Variants in NSD2 observed in about 807,000 individuals in gnomAD.
NSD2 encodes histone-lysine N-methyltransferase NSD2.
NSD2 carries 12 observed loss-of-function variants against 139.0 expected under a neutral mutation model. The ratio of observed to expected loss-of-function variants is 0.09; its 90% confidence interval spans 0.06 to 0.14. The LOEUF (loss-of-function observed/expected upper bound fraction) is 0.14, where lower values mean the gene tolerates loss of function less well. NSD2 is among the 10% of genes least tolerant of loss of function. The pLI, the probability that NSD2 is intolerant of heterozygous loss-of-function variation, is 1.00. For synonymous variants in NSD2, 669 were observed against 648.7 expected, an observed-to-expected ratio of 1.03 and a Z score of -0.48; for missense variants, 1,155 against 1,745.0, an observed-to-expected ratio of 0.66 and a Z score of 6.02.
chr4:1,892,746 C>G (rs1463250912), intron 1 of NSD2: 1 of 151,586 alleles, frequency 6.6e-6, no homozygotes, highest in Non-Finnish European at 1.5e-5. Context: ...TTTTTTGTAT[C>G]TTTAGTAGGG....
At chr4:1,964,569 CT>C (rs1372494761) in intron 18 of NSD2, among the ~76,000 whole-genome samples, 2 of 152,180 alleles carry the variant, frequency 1.3e-5, no homozygotes, top group African/African-American at 4.8e-5. Flanking sequence ...TAGTGGGTAT[CT>C]GTGCTCAGGA....
rs73202833 is a variant in NSD2, at chr4:1,956,840, C to T, written c.2881+652C>T. ...GTTGCAGCCGGGTCAGTGCTGGCTC[C>T]TGTGTGACTGCAGGCGGGGACCCGC... On this transcript the variant is annotated intron_variant, in intron 15 of 21. Transcript: ENST00000508803. The surrounding 1 kb of genome is among the most constrained non-coding windows in gnomAD (Gnocchi z 5.3). Among the ~76,000 whole-genome samples the T allele has an allele frequency of 3.0e-3, 463 of 152,350 alleles. 4 individuals are homozygous for T. Among genetic ancestry groups the T allele is most frequent in the East Asian group, 0.024 (125 of 5,182 alleles).
At chr4:1,975,705 C>T in intron 20 of NSD2, 1 of 301,564 alleles carries the variant, frequency 3.3e-6, no homozygotes, top group Non-Finnish European at 6.2e-6. Context: ...CTTTCCCAGG[C>T]CTGTCTCCCG....
At chr4:1,872,591 T>TGTGTGTGAGAGAGA (rs1281608141) in intron 1 of NSD2, among the ~76,000 whole-genome samples, 14 of 44,886 alleles carry the variant, frequency 3.1e-4, no homozygotes, top group East Asian at 1.3e-3. Context: ...TGTGTGTGTG[T>TGTGTGTGAGAGAGA]GAGAGAGAGA....
At chr4:1,963,099 G>A (rs1426440969) in intron 18 of NSD2, among the ~76,000 whole-genome samples, 2 of 152,192 alleles carry the variant, frequency 1.3e-5, no homozygotes, top group East Asian at 1.9e-4. Flanking sequence ...AAGCCCCAGT[G>A]ACTCTTCAGC....
In NSD2 at chr4:1,976,444, C is replaced by A. The variant is rs773746799; in HGVS notation, c.3622-31C>A. ...TTTGCTTCAGCCTGTGTAATTCTTT[C>A]CGGTGATCTGTGCTTAATTCTTGAC... is the stretch of plus-strand genomic sequence containing the variant. On this transcript the variant is annotated intron_variant, in intron 20 of 21. Transcript: ENST00000508803. The surrounding 1 kb of genome is among the most constrained non-coding windows in gnomAD (Gnocchi z 5.3). The A allele has an allele frequency of 1.2e-5, 20 of 1,603,336 alleles. No homozygotes were observed. In the East Asian group the frequency reaches 4.3e-4, roughly 34 times the overall value.
intron 7 of NSD2, 44 bp from the exon 8 acceptor site, chr4:1,938,396 CTTTTCTTTTTT>C (rs1722670985): frequency 4.0e-6 from 4 of 988,394 alleles, no homozygotes; most frequent in Admixed American, 6.6e-5. Context: ...TCCTTTTTTT[CTTTTCTTTTTT>C]TTTTCTTTCT....
rs1241442182 is a variant in NSD2, at chr4:1,911,608, GA to G, written c.761-5252del. 2.0e-3 allele frequency among the ~76,000 whole-genome samples: 208 copies of G among 104,704 alleles called. 2 individuals are homozygous for G. The highest frequency in any genetic ancestry group is 8.3e-3 in the East Asian group (30 of 3,626). 68.7% of individuals were successfully genotyped at this position (104,704 alleles called of 152,430 possible). Reference sequence around the variant, plus strand: ...ATCTCAAAAAAAAAAAAAAAAAAAAGAAAAAAAAAAAGAAAGAAAGAAATTG... The same window carrying G: ...ATCTCAAAAAAAAAAAAAAAAAAAAGAAAAAAAAAAGAAAGAAAGAAATTG... On this transcript the variant is annotated intron_variant, in intron 3 of 21. Transcript: ENST00000508803.
chr4:1,956,575 AG>A lies in NSD2; in HGVS notation c.2881+391del, dbSNP rs1724825198. Among the ~76,000 whole-genome samples, 1 of 152,152 alleles carries A rather than the reference AG, an allele frequency of 6.6e-6. No individual in the cohort carries two copies. Among genetic ancestry groups the A allele is most frequent in the African/African-American group, 2.4e-5 (1 of 41,442 alleles). Reference sequence around the variant, plus strand: ...TTTACCTTTCAGTGCATGAGGAATCAGGGGTGGTCAAGCAGACAAGGTGCTT... The same window carrying A: ...TTTACCTTTCAGTGCATGAGGAATCAGGGTGGTCAAGCAGACAAGGTGCTT... On this transcript the variant is annotated intron_variant, in intron 15 of 21. Transcript: ENST00000508803. The surrounding 1 kb of genome is among the most constrained non-coding windows in gnomAD (Gnocchi z 5.3).
intron 9 of NSD2, chr4:1,944,988 A>G (rs1723470426): frequency 9.4e-7 from 1 of 1,064,468 alleles, no homozygotes; most frequent in Non-Finnish European, 1.1e-6. Flanking sequence ...TCATGACACA[A>G]CCTTTCATGT....
intron 1 of NSD2, among the ~76,000 whole-genome samples, chr4:1,879,814 C>T (rs962544518): frequency 3.3e-5 from 5 of 149,720 alleles, no homozygotes; most frequent in Non-Finnish European, 5.9e-5. Flanking sequence ...AGACCCTGGG[C>T]CCATGGCACT....
At position 1,972,097 on chromosome 4, in the gene NSD2, C is replaced by T. The variant is rs1048813146; in HGVS notation, c.3373-2766C>T. On this transcript the variant is annotated intron_variant, in intron 18 of 21. Coordinates refer to ENST00000508803, the MANE Select transcript of NSD2 (RefSeq NM_001042424.3). This position sits in a 1 kb window ranked among gnomAD's most constrained non-coding sequence, Gnocchi z 4.0. ...CAGTGTCTCTCGGAGAATGTGACGG[C>T]TGTGTTTGGTGATGGCCTTATGTGA... 6.6e-6 allele frequency among the ~76,000 whole-genome samples: 1 copy of T among 152,180 alleles called. No individual in the cohort carries two copies. The highest frequency in any genetic ancestry group is 2.4e-5 in the African/African-American group (1 of 41,450).
Position 1,980,783 on chromosome 4 carries a change from A to G in NSD2, c.*1874A>G, listed in dbSNP as rs1009793448. On this transcript the variant is annotated 3_prime_UTR_variant, in exon 22 of 22. Transcript: ENST00000508803. ...CGCGCGGCCGTGGCCTCTGAGGGGC[A>G]CTCGCCGGTTAAGACAGGGTGGGAG... 1.3e-5 allele frequency: 3 copies of G among 233,124 alleles called. No homozygotes were observed. The highest frequency in any genetic ancestry group is 6.6e-5 in the African/African-American group (3 of 45,334). The allele number at this position is 233,124 out of a possible 1,614,324, so 14.4% of individuals were successfully genotyped here. A position where few individuals can be genotyped will look rare whatever the true frequency, so the allele number is the denominator to read the frequency against.
chr4:1,942,519 A>G lies in NSD2; in HGVS notation c.1881+2741A>G, dbSNP rs1723202328. Reference sequence around the variant, plus strand: ...TGATAATCTGTTTTTACTGGTATTAATAAACACATACAATGAAGAAAACAG... The same window carrying G: ...TGATAATCTGTTTTTACTGGTATTAGTAAACACATACAATGAAGAAAACAG... On this transcript the variant is annotated intron_variant, in intron 9 of 21. Coordinates refer to ENST00000508803, the MANE Select transcript of NSD2 (RefSeq NM_001042424.3). This position sits in a 1 kb window ranked among gnomAD's most constrained non-coding sequence, Gnocchi z 4.0. 7 of 1,455,714 alleles carry G rather than the reference A, an allele frequency of 4.8e-6. No homozygotes were observed. Among genetic ancestry groups the G allele is most frequent in the Non-Finnish European group, 4.5e-6 (5 of 1,101,298 alleles). The allele number at this position is 1,455,714 out of a possible 1,614,324, so 90.2% of individuals were successfully genotyped here.
At chr4:1,939,922 A>T in intron 9 of NSD2, 144 bp downstream of exon 9, 5 of 1,514,358 alleles carry the variant, frequency 3.3e-6, no homozygotes, top group Non-Finnish European at 2.6e-6. Context: ...CCTCTTGGCT[A>T]ACTCAGATTC....
At position 1,891,806 on chromosome 4, in the gene NSD2, G is replaced by A. The variant is rs567638439; in HGVS notation, c.-29-8820G>A. ...CGGGAGGCGGAGCTTGCAGTGAGCC[G>A]AGATCGCGCCATTGCACTCCAGCCT... On this transcript the variant is annotated intron_variant, in intron 1 of 21. Coordinates refer to ENST00000508803, the MANE Select transcript of NSD2 (RefSeq NM_001042424.3). 2.8e-4 allele frequency among the ~76,000 whole-genome samples: 41 copies of A among 148,810 alleles called. No homozygotes were observed. The South Asian group carries it at 3.2e-3, about 12-fold the overall frequency.
intron 9 of NSD2, chr4:1,941,225 A>C (rs1723058447): frequency 9.5e-7 from 1 of 1,055,748 alleles, no homozygotes; most frequent in Non-Finnish European, 1.1e-6. Context: ...AATATTAAAC[A>C]TTTTTCACTT....
At chr4:1,872,226 G>T (rs1713841206) in intron 1 of NSD2, among the ~76,000 whole-genome samples, 1 of 152,102 alleles carries the variant, frequency 6.6e-6, no homozygotes, top group African/African-American at 2.4e-5. Flanking sequence ...GTACCCTGCT[G>T]GGGGGCTGCG....
intron 1 of NSD2, among the ~76,000 whole-genome samples, chr4:1,884,539 A>G (rs1714937996): frequency 6.6e-6 from 1 of 151,888 alleles, no homozygotes; most frequent in African/African-American, 2.4e-5. Context: ...GATTACAGAC[A>G]TGTGCCACCA....
Sources: gnomAD v4.1 joint callset for allele counts (sites outside exome capture counted in the v4.1 genomes callset) on GRCh38, gnomAD v4.1.1 for gene constraint, Gnocchi (gnomAD v3.1) non-coding constraint, MANE v1.5 for transcripts, NCBI Gene and HGNC (gene_info 2026-07-23, HGNC 2026-07-21) for gene names.